AMN1: variants seen among roughly 807,000 people sequenced by gnomAD.
AMN1 encodes the protein antagonist of mitotic exit network 1 homolog.
Under a neutral mutation model 33.0 loss-of-function variants are expected in AMN1, and 20 were observed. The observed-to-expected ratio is 0.61, with a 90% CI of 0.43 to 0.88. The LOEUF (loss-of-function observed/expected upper bound fraction) is 0.88, where lower values mean the gene tolerates loss of function less well. AMN1 is among the 40% of genes least tolerant of loss of function. The pLI is 0.00. For missense variants in AMN1, 246 were observed against 307.4 expected (o/e 0.80, Z 1.49); for synonymous variants, 114 against 111.9 (o/e 1.02, Z -0.12).
chr12:31,679,076 A>G (rs894392459), intron 6 of AMN1, among the ~76,000 whole-genome samples: 2 of 152,148 alleles, frequency 1.3e-5, no homozygotes, highest in Non-Finnish European at 2.9e-5. Context: ...TGAGAGGCCA[A>G]CGTGGGTGGA....
intron 1 of AMN1, chr12:31,719,218 C>G (rs1489172989): frequency 3.2e-6 from 1 of 316,926 alleles, no homozygotes; most frequent in Non-Finnish European, 4.6e-6. Flanking sequence ...AACCAGGTAC[C>G]TCAGTTGGAA....
At chr12:31,718,587 G>A (rs1814420005) in intron 1 of AMN1, among the ~76,000 whole-genome samples, 1 of 152,162 alleles carries the variant, frequency 6.6e-6, no homozygotes. Flanking sequence ...ACCTATGGAT[G>A]GGGTTTTGGT....
intron 5 of AMN1, among the ~76,000 whole-genome samples, chr12:31,691,167 A>G (rs1206995090): frequency 6.6e-6 from 1 of 152,004 alleles, no homozygotes; most frequent in Non-Finnish European, 1.5e-5. Context: ...TGAAATATTA[A>G]CATATGCAAT....
chr12:31,714,946 T>C, intron 1 of AMN1: 1 of 978,312 alleles, frequency 1.0e-6, no homozygotes, highest in East Asian at 1.1e-4. Flanking sequence ...TCAAGTCCAG[T>C]AGCATCTGGT....
Position 31,706,566 on chromosome 12 carries a change from A to C in AMN1, c.171+2727T>G, listed in dbSNP as rs571272092. Among the ~76,000 whole-genome samples the C allele has an allele frequency of 2.6e-5, 4 of 152,346 alleles. No individual in the cohort carries two copies. The East Asian group carries it at 7.7e-4, about 29-fold the overall frequency. On this transcript the variant is annotated intron_variant, in intron 2 of 6. Coordinates refer to ENST00000281471, the MANE Select transcript of AMN1 (RefSeq NM_001113402.2). Reference sequence around the variant, plus strand: ...ACTTTTTGAAACACAAATAGCAAAAATACAAAAGATAACACAGGAGTAGTA... The same window carrying C: ...ACTTTTTGAAACACAAATAGCAAAACTACAAAAGATAACACAGGAGTAGTA...
intron 1 of AMN1, among the ~76,000 whole-genome samples, chr12:31,713,384 CAA>C (rs1452824667): frequency 6.6e-6 from 1 of 152,018 alleles, no homozygotes; most frequent in African/African-American, 2.4e-5. Context: ...AATTTAAAAT[CAA>C]GTCTTCTTTT....
chr12:31,673,679 A>G, intron 6 of AMN1: 1 of 417,440 alleles, frequency 2.4e-6, no homozygotes, highest in Non-Finnish European at 4.8e-6. Context: ...TGAAAAAGAA[A>G]ACTGCAGACA....
chr12:31,672,472 G>C, intron 6 of AMN1, 95 bp from the exon 7 acceptor site: 1 of 874,180 alleles, frequency 1.1e-6, no homozygotes, highest in Non-Finnish European at 1.8e-6. Context: ...TTATTATACA[G>C]TTATTTAAAG....
In AMN1 at chr12:31,706,311, C is replaced by CAAA. The variant is rs3032986; in HGVS notation, c.171+2979_171+2981dup. 1.5e-3 allele frequency among the ~76,000 whole-genome samples: 101 copies of CAAA among 65,882 alleles called. 1 individual carries two copies. The highest frequency in any genetic ancestry group is 7.2e-3 in the Middle Eastern group (1 of 138). 43.2% of individuals were successfully genotyped at this position (65,882 alleles called of 152,430 possible). On this transcript the variant is annotated intron_variant, in intron 2 of 6. Coordinates refer to ENST00000281471, the MANE Select transcript of AMN1 (RefSeq NM_001113402.2). ...TGGGTGAAACAGCAAGACTCCGTCT[C>CAAA]AAAAAAAAAAAAAAAAAAAAAAAAA...
intron 2 of AMN1, among the ~76,000 whole-genome samples, chr12:31,703,349 G>C (rs1167872349): frequency 1.3e-5 from 2 of 152,174 alleles, no homozygotes; most frequent in African/African-American, 4.8e-5. Context: ...TAGTTACAGG[G>C]ATATACTGCA....
In AMN1 at chr12:31,697,857, A is replaced by G. The variant is rs1938803008; in HGVS notation, c.417T>C (p.Asn139=). The change falls in exon 4 of 7, where the codon AAT becomes AAC. Residue 139 remains asparagine (N), a synonymous_variant. Coordinates refer to ENST00000281471, the MANE Select transcript of AMN1 (RefSeq NM_001113402.2). ...TDEGVVALAL[N]CQLLKIIDLG... Reference sequence around the variant, plus strand: ...AATCGATGATCTTTAGCAGCTGGCAATTGAGTGCAAGAGCAACGACTCCTT... The same window carrying G: ...AATCGATGATCTTTAGCAGCTGGCAGTTGAGTGCAAGAGCAACGACTCCTT... 1 of 1,613,982 alleles carries G rather than the reference A, an allele frequency of 6.2e-7. No homozygotes were observed. The highest frequency in any genetic ancestry group is 8.5e-7 in the Non-Finnish European group (1 of 1,179,842).
At position 31,687,400 on chromosome 12, in the gene AMN1, G is replaced by A. The variant is rs1255011215; in HGVS notation, c.703+1607C>T. Among the ~76,000 whole-genome samples, 2 of 152,130 alleles carry A rather than the reference G, an allele frequency of 1.3e-5. No individual in the cohort carries two copies. Among genetic ancestry groups the A allele is most frequent in the Admixed American group, 1.3e-4 (2 of 15,250 alleles). On this transcript the variant is annotated intron_variant, in intron 6 of 6. Transcript: ENST00000281471. This position sits in a 1 kb window ranked among gnomAD's most constrained non-coding sequence, Gnocchi z 4.1. ...TAATAGCTTAACCTACAGAATAATT[G>A]TTTAGACTGGCTGGGCATGGTGGCT...
At chr12:31,709,461 G>A (rs1191081945) in intron 1 of AMN1, 36 bp from the exon 2 acceptor site, 2 of 1,578,372 alleles carry the variant, frequency 1.3e-6, no homozygotes, top group Non-Finnish European at 8.6e-7. Context: ...ATCACACTGG[G>A]CCTGTACTGA....
intron 1 of AMN1, 23 bp downstream of exon 1, chr12:31,728,948 G>C (rs1249971768): frequency 6.5e-7 from 1 of 1,541,334 alleles, no homozygotes; most frequent in Non-Finnish European, 8.8e-7. Context: ...GGCGCGAAGG[G>C]AGGCGGGACA....
At chr12:31,706,083 C>T (rs1041715635) in intron 2 of AMN1, among the ~76,000 whole-genome samples, 3 of 151,934 alleles carry the variant, frequency 2.0e-5, no homozygotes, top group African/African-American at 4.8e-5. Context: ...GAGGCTGAGG[C>T]GGGCAGATCA....
At chr12:31,682,824 C>A (rs908241559) in intron 6 of AMN1, among the ~76,000 whole-genome samples, 86 of 152,260 alleles carry the variant, frequency 5.6e-4, no homozygotes, top group Non-Finnish European at 1.1e-3. Context: ...CCTAGTCCAG[C>A]ATTTACCAAC....
chr12:31,673,560 T>A, intron 6 of AMN1: 1 of 373,610 alleles, frequency 2.7e-6, no homozygotes, highest in Non-Finnish European at 5.2e-6. Flanking sequence ...ACCATTTAAA[T>A]GGCAACCATG....
At chr12:31,680,491 C>G (rs1448852495) in intron 6 of AMN1, among the ~76,000 whole-genome samples, 1 of 152,188 alleles carries the variant, frequency 6.6e-6, no homozygotes, top group Non-Finnish European at 1.5e-5. Flanking sequence ...CGTGAGCCAC[C>G]ATACACAGCC....
intron 3 of AMN1, among the ~76,000 whole-genome samples, chr12:31,699,908 G>A (rs1938914974): frequency 6.6e-6 from 1 of 152,140 alleles, no homozygotes; most frequent in South Asian, 2.1e-4. Flanking sequence ...TTGGAGAATT[G>A]TTTGGTGTGA....
Sources: gnomAD v4.1 joint callset for allele counts (sites outside exome capture counted in the v4.1 genomes callset) on GRCh38, gnomAD v4.1.1 for gene constraint, Gnocchi (gnomAD v3.1) non-coding constraint, MANE v1.5 for transcripts, NCBI Gene and HGNC (gene_info 2026-07-23, HGNC 2026-07-21) for gene names.